REDIC1: variants seen among roughly 807,000 people sequenced by gnomAD.
REDIC1 encodes the protein regulator of DNA class I crossover intermediates 1, also known as HEI10 Interacting Protein 1.
At chr12:39,896,484 A>C in the REDIC1 span, among the ~76,000 whole-genome samples, 2 of 140,664 alleles carry the variant, frequency 1.4e-5, no homozygotes, top group Non-Finnish European at 3.1e-5. Context: ...GTATATGTGT[A>C]TATATGTACA....
At chr12:39,813,844 C>G in the REDIC1 span, among the ~76,000 whole-genome samples, 1 of 152,078 alleles carries the variant, frequency 6.6e-6, no homozygotes, top group Admixed American at 6.5e-5. Flanking sequence ...TGAACAGAAC[C>G]CCTACACAGG....
At chr12:39,721,464 T>G in the REDIC1 span, 1 of 489,698 alleles carries the variant, frequency 2.0e-6, no homozygotes. Context: ...CCTTAATAGC[T>G]TTGGTATATG....
the REDIC1 span, among the ~76,000 whole-genome samples, chr12:39,837,579 A>G: frequency 4.1e-5 from 6 of 146,382 alleles, no homozygotes; most frequent in African/African-American, 5.0e-5. Flanking sequence ...GAAAATTTTC[A>G]CAACCTACTC....
the REDIC1 span, among the ~76,000 whole-genome samples, chr12:39,633,443 C>T: frequency 2.0e-5 from 3 of 152,136 alleles, no homozygotes; most frequent in Non-Finnish European, 4.4e-5. Context: ...GGAACACCTT[C>T]TGAAGGGCCT....
chr12:39,886,686 C>T, the REDIC1 span, among the ~76,000 whole-genome samples: 7 of 152,142 alleles, frequency 4.6e-5, no homozygotes, highest in Non-Finnish European at 1.0e-4. Flanking sequence ...TTTAGAAATG[C>T]CCTTTTCATT....
the REDIC1 span, among the ~76,000 whole-genome samples, chr12:39,712,231 C>G: frequency 1.5e-5 from 2 of 131,182 alleles, no homozygotes; most frequent in Admixed American, 7.6e-5. Flanking sequence ...TGTATATATA[C>G]CTATATGTAT....
chr12:39,897,171 T>C, the REDIC1 span, among the ~76,000 whole-genome samples: 150,845 of 152,286 alleles, frequency 0.99, 74,731 homozygotes, highest in Middle Eastern at 1. Flanking sequence ...TCTGGTTAAT[T>C]TTTCTAGGAC....
chr12:39,669,983 G>T, the REDIC1 span, among the ~76,000 whole-genome samples: 1 of 152,122 alleles, frequency 6.6e-6, no homozygotes, highest in Non-Finnish European at 1.5e-5. Context: ...GGAATTCCCT[G>T]ATCCCTTGCG....
At chr12:39,631,364 A>G in the REDIC1 span, among the ~76,000 whole-genome samples, 1 of 152,226 alleles carries the variant, frequency 6.6e-6, no homozygotes, top group Non-Finnish European at 1.5e-5. Context: ...ATTCTGCACA[A>G]GATTTAATTT....
chr12:39,769,350 T>C, the REDIC1 span, among the ~76,000 whole-genome samples: 1 of 152,030 alleles, frequency 6.6e-6, no homozygotes, highest in South Asian at 2.1e-4. Context: ...AAAAATAAAA[T>C]AAAACCAGGA....
chr12:39,639,651 T>G, the REDIC1 span, among the ~76,000 whole-genome samples: 2 of 151,948 alleles, frequency 1.3e-5, no homozygotes, highest in Non-Finnish European at 2.9e-5. Context: ...TAACCTGTCT[T>G]TGCCTTAGTT....
At chr12:39,766,245 G>A in the REDIC1 span, among the ~76,000 whole-genome samples, 3 of 152,198 alleles carry the variant, frequency 2.0e-5, no homozygotes, top group South Asian at 6.2e-4. Flanking sequence ...GGCATAGCTT[G>A]GAGATATTGC....
chr12:39,748,137 TAA>T, the REDIC1 span, among the ~76,000 whole-genome samples: 1 of 151,984 alleles, frequency 6.6e-6, no homozygotes, highest in African/African-American at 2.4e-5. Flanking sequence ...GCACATTGGA[TAA>T]AGAGTCAAGA....
At chr12:39,699,447 C>T in the REDIC1 span, among the ~76,000 whole-genome samples, 2 of 152,220 alleles carry the variant, frequency 1.3e-5, no homozygotes, top group African/African-American at 4.8e-5. Context: ...CTCAGAGGGT[C>T]CTACGCCCAG....
At chr12:39,736,677 G>T in the REDIC1 span, 1 of 152,242 alleles carries the variant, frequency 6.6e-6, no homozygotes, top group Non-Finnish European at 1.5e-5. Flanking sequence ...AAAGGTGATA[G>T]AATTTCCAGC....
chr12:39,854,618 A>C, the REDIC1 span, among the ~76,000 whole-genome samples: 4 of 152,056 alleles, frequency 2.6e-5, no homozygotes, highest in Non-Finnish European at 4.4e-5. Flanking sequence ...CCTCCAATCT[A>C]TATCCCAAAA....
chr12:39,890,614 T>A, the REDIC1 span, among the ~76,000 whole-genome samples: 1 of 152,226 alleles, frequency 6.6e-6, no homozygotes, highest in Non-Finnish European at 1.5e-5. Context: ...GGGATTTTTT[T>A]CATTTTTAAG....
the REDIC1 span, among the ~76,000 whole-genome samples, chr12:39,732,946 C>T: frequency 9.2e-5 from 14 of 152,100 alleles, no homozygotes; most frequent in South Asian, 2.3e-3. Flanking sequence ...AAAAACAGAC[C>T]ATTTCTCCAA....
chr12:39,902,498 G>C, the REDIC1 span, among the ~76,000 whole-genome samples: 3 of 151,866 alleles, frequency 2.0e-5, no homozygotes, highest in Non-Finnish European at 2.9e-5. Flanking sequence ...TTAAACAGTG[G>C]CATATCTCTG....
Sources: allele counts gnomAD v4.1 joint callset (sites outside exome capture counted in the v4.1 genomes callset), GRCh38; gene constraint gnomAD v4.1.1; transcripts MANE v1.5; gene names NCBI Gene and HGNC (gene_info 2026-07-23, HGNC 2026-07-21).